The following EPHA6 variants were observed in gnomAD, a reference collection of about 807,000 sequenced individuals.
The protein encoded by EPHA6 is ephrin type-A receptor 6.
A neutral mutation model predicts 112.0 loss-of-function variants in EPHA6; 50 were observed. The ratio of observed to expected loss-of-function variants is 0.45; its 90% CI spans 0.36 to 0.56. EPHA6 has a LOEUF of 0.56. Ranked by LOEUF, EPHA6 falls within the 20% of genes least tolerant of loss-of-function variation. The pLI is 0.00. For synonymous variants in EPHA6, 529 were observed against 490.7 expected, an observed-to-expected ratio of 1.08 and a Z score of -1.03; for missense variants, 1,280 against 1,417.4, an observed-to-expected ratio of 0.90 and a Z score of 1.56.
intron 5 of EPHA6, among the ~76,000 whole-genome samples, chr3:97,313,228 T>C (rs7619440): frequency 0.034 from 5,179 of 151,562 alleles, 265 homozygotes; most frequent in African/African-American, 0.11. Context: ...CTAATTATCT[T>C]CTTTTTAAGG....
chr3:97,649,082 A>G (rs2094088747), intron 14 of EPHA6, among the ~76,000 whole-genome samples: 1 of 152,166 alleles, frequency 6.6e-6, no homozygotes, highest in Non-Finnish European at 1.5e-5. Flanking sequence ...CAACCGTGTT[A>G]GTCTGTTTTC....
chr3:97,099,780 T>C (rs780387420), intron 3 of EPHA6, among the ~76,000 whole-genome samples: 29 of 151,934 alleles, frequency 1.9e-4, no homozygotes, highest in Non-Finnish European at 3.2e-4. Flanking sequence ...TATGTTGAAG[T>C]GTAAGATGGA....
intron 3 of EPHA6, among the ~76,000 whole-genome samples, chr3:97,145,096 G>A (rs74946762): frequency 0.077 from 11,682 of 151,198 alleles, 727 homozygotes; most frequent in Admixed American, 0.21. Flanking sequence ...TGTATATATA[G>A]AACTGTATAT....
At chr3:97,284,299 A>G (rs1239856445) in intron 5 of EPHA6, among the ~76,000 whole-genome samples, 1 of 152,116 alleles carries the variant, frequency 6.6e-6, no homozygotes, top group East Asian at 1.9e-4. Flanking sequence ...AAATTACTGG[A>G]AGTTTCATTT....
intron 3 of EPHA6, among the ~76,000 whole-genome samples, chr3:97,166,592 G>A (rs1044261262): frequency 6.6e-6 from 1 of 152,136 alleles, no homozygotes; most frequent in Non-Finnish European, 1.5e-5. Context: ...ATCTTTGGAA[G>A]AATGTTAAAT....
At chr3:97,183,318 A>G (rs1263951793) in intron 3 of EPHA6, among the ~76,000 whole-genome samples, 1 of 152,256 alleles carries the variant, frequency 6.6e-6, no homozygotes, top group East Asian at 1.9e-4. Flanking sequence ...AAAAATGTTA[A>G]TTATCACTAG....
intron 16 of EPHA6, among the ~76,000 whole-genome samples, chr3:97,736,466 A>AGT (rs1221270225): frequency 1.5e-3 from 173 of 111,982 alleles, no homozygotes; most frequent in Non-Finnish European, 2.1e-3. Context: ...AGAGAGAGAG[A>AGT]GAGAGTGTGT....
chr3:97,669,215 T>A (rs1475067363), intron 14 of EPHA6, among the ~76,000 whole-genome samples: 1 of 151,954 alleles, frequency 6.6e-6, no homozygotes, highest in Non-Finnish European at 1.5e-5. Context: ...ATCTTTCATA[T>A]GTGTCCATTA....
Position 97,228,214 on chromosome 3 carries a change from G to T in EPHA6, c.1270+1795G>T, listed in dbSNP as rs193015434. On this transcript the variant is annotated intron_variant, in intron 4 of 17. Coordinates refer to ENST00000389672, the MANE Select transcript of EPHA6 (RefSeq NM_001080448.3). ...TTTGGGGAACAGGTGGTGTTTGGTT[G>T]CATGGGGGAAGTTCTTTTGTGGTGA... 3.1e-3 allele frequency among the ~76,000 whole-genome samples: 472 copies of T among 152,148 alleles called. 3 individuals carry two copies. Among genetic ancestry groups the T allele is most frequent in the Admixed American group, 5.4e-3 (83 of 15,284 alleles).
At chr3:97,254,400 T>C (rs2108604896) in intron 5 of EPHA6, among the ~76,000 whole-genome samples, 1 of 152,236 alleles carries the variant, frequency 6.6e-6, no homozygotes, top group South Asian at 2.1e-4. Context: ...ATGTTAGCCA[T>C]GATGGTCTCA....
chr3:96,984,574 C>A (rs2042945149), intron 2 of EPHA6, among the ~76,000 whole-genome samples: 1 of 152,172 alleles, frequency 6.6e-6, no homozygotes, highest in African/African-American at 2.4e-5. Context: ...CTGCTCTCTT[C>A]AAAGCTGTCA....
At chr3:97,351,744 A>G (rs2083823901) in intron 5 of EPHA6, among the ~76,000 whole-genome samples, 1 of 152,154 alleles carries the variant, frequency 6.6e-6, no homozygotes, top group South Asian at 2.1e-4. Context: ...CCCTCAAAAG[A>G]ATGTTAACTT....
chr3:97,116,991 A>G (rs1435603191), intron 3 of EPHA6, among the ~76,000 whole-genome samples: 1 of 151,648 alleles, frequency 6.6e-6, no homozygotes, highest in African/African-American at 2.4e-5. Flanking sequence ...CCTTGTCAAC[A>G]CTTATCGTTT....
intron 14 of EPHA6, among the ~76,000 whole-genome samples, chr3:97,651,247 C>A (rs2107608262): frequency 6.6e-6 from 1 of 152,168 alleles, no homozygotes; most frequent in East Asian, 1.9e-4. Context: ...ACCCACCAAT[C>A]TGTAAACCTA....
chr3:96,832,817 A>G (rs1308370979), intron 1 of EPHA6, among the ~76,000 whole-genome samples: 1 of 152,056 alleles, frequency 6.6e-6, no homozygotes, highest in East Asian at 1.9e-4. Context: ...AAATTTAAGG[A>G]GAAAATTACT....
At chr3:97,636,430 T>A (rs2093945639) in intron 13 of EPHA6, among the ~76,000 whole-genome samples, 1 of 152,098 alleles carries the variant, frequency 6.6e-6, no homozygotes, top group Non-Finnish European at 1.5e-5. Context: ...TCAAAGATTT[T>A]CTTTGCTAGG....
At chr3:97,120,497 A>C (rs2108301490) in intron 3 of EPHA6, among the ~76,000 whole-genome samples, 1 of 152,072 alleles carries the variant, frequency 6.6e-6, no homozygotes, top group Middle Eastern at 3.4e-3. Flanking sequence ...TAGAAAGACA[A>C]GTTGATAATG....
At chr3:97,486,158 T>C (rs898918113) in intron 10 of EPHA6, among the ~76,000 whole-genome samples, 1 of 152,210 alleles carries the variant, frequency 6.6e-6, no homozygotes, top group African/African-American at 2.4e-5. Context: ...TAATAAGTCA[T>C]AATGGCGTTT....
At chr3:97,332,906 T>A (rs2082868808) in intron 5 of EPHA6, among the ~76,000 whole-genome samples, 1 of 152,096 alleles carries the variant, frequency 6.6e-6, no homozygotes, top group Non-Finnish European at 1.5e-5. Context: ...TTCCTCCCAT[T>A]TTATTCTTTT....
Sources: gnomAD v4.1 joint callset for allele counts (sites outside exome capture counted in the v4.1 genomes callset) on GRCh38, gnomAD v4.1.1 for gene constraint, MANE v1.5 for transcripts, NCBI Gene and HGNC (gene_info 2026-07-23, HGNC 2026-07-21) for gene names.